Variants in PDE4D observed in about 807,000 individuals in gnomAD.
PDE4D encodes the protein 3',5'-cyclic-AMP phosphodiesterase 4D.
PDE4D carries 24 observed loss-of-function variants against 87.4 expected under a neutral mutation model. The ratio of observed to expected loss-of-function variants is 0.27; its 90% CI spans 0.20 to 0.39. PDE4D has a LOEUF of 0.39. PDE4D is among the 10% of genes least tolerant of loss of function. PDE4D has a pLI of 1.00. For synonymous variants in PDE4D, 384 were observed against 383.2 expected, an observed-to-expected ratio of 1.00 and a Z score of -0.02; for missense variants, 714 against 1,041.0, an observed-to-expected ratio of 0.69 and a Z score of 4.32.
intron 1 of PDE4D, among the ~76,000 whole-genome samples, chr5:60,255,005 A>G: frequency 6.6e-6 from 1 of 151,876 alleles, no homozygotes; most frequent in South Asian, 2.1e-4. Context: ...TGGCTTAAAT[A>G]CTTCATAAAG....
At chr5:60,099,814 A>C (rs996889658) in intron 2 of PDE4D, among the ~76,000 whole-genome samples, 6 of 152,020 alleles carry the variant, frequency 3.9e-5, no homozygotes, top group Non-Finnish European at 7.4e-5. Flanking sequence ...ATAAAGGGAA[A>C]TCTGGAAATT....
intron 1 of PDE4D, among the ~76,000 whole-genome samples, chr5:59,300,769 C>T (rs1223452508): frequency 2.0e-5 from 3 of 152,034 alleles, no homozygotes; most frequent in Non-Finnish European, 2.9e-5. Context: ...CAGATCCCAC[C>T]GGTTGAAGGT....
intron 1 of PDE4D, among the ~76,000 whole-genome samples, chr5:59,696,307 T>C (rs544289651): frequency 3.3e-5 from 5 of 152,350 alleles, no homozygotes; most frequent in African/African-American, 1.2e-4. Flanking sequence ...ACTTCATTCA[T>C]AATTTCATTT....
At chr5:59,868,602 C>A (rs1025039802) in intron 1 of PDE4D, among the ~76,000 whole-genome samples, 1 of 152,122 alleles carries the variant, frequency 6.6e-6, no homozygotes, top group African/African-American at 2.4e-5. Flanking sequence ...AGATCACTTT[C>A]TTTAGCTGAA....
At chr5:59,382,937 C>T (rs1786185528) in intron 1 of PDE4D, among the ~76,000 whole-genome samples, 1 of 152,096 alleles carries the variant, frequency 6.6e-6, no homozygotes, top group Admixed American at 6.5e-5. Context: ...AAAAATATTG[C>T]CTTCACACCA....
At chr5:59,976,221 T>C (rs1370651659) in intron 3 of PDE4D, among the ~76,000 whole-genome samples, 1 of 152,200 alleles carries the variant, frequency 6.6e-6, no homozygotes, top group African/African-American at 2.4e-5. Flanking sequence ...TTGTTTTTAA[T>C]TCTGTTTTGT....
chr5:60,310,837 G>T (rs1421826455), intron 1 of PDE4D, among the ~76,000 whole-genome samples: 1 of 152,060 alleles, frequency 6.6e-6, no homozygotes, highest in East Asian at 1.9e-4. Flanking sequence ...TATGCCTTTT[G>T]TACAAGTATG....
Position 59,967,488 on chromosome 5 carries a change from A to G in PDE4D, c.272+21000T>C, listed in dbSNP as rs531532761. 2.6e-5 allele frequency among the ~76,000 whole-genome samples: 4 copies of G among 152,316 alleles called. No homozygotes were observed. In the South Asian group the frequency reaches 8.3e-4, roughly 32 times the overall value. ...AACAGAAGACATACAAGTGGCCAAG[A>G]AATATATGAAAAATGCTTACGTCAC... On this transcript the variant is annotated intron_variant, in intron 3 of 16. Transcript: ENST00000502484.
At chr5:59,685,283 C>T (rs370272726) in intron 1 of PDE4D, among the ~76,000 whole-genome samples, 2 of 152,142 alleles carry the variant, frequency 1.3e-5, no homozygotes, top group Non-Finnish European at 2.9e-5. Flanking sequence ...TCACAGCTCA[C>T]GTAGGTCTTT....
chr5:59,874,484 A>G (rs562931780), intron 1 of PDE4D, among the ~76,000 whole-genome samples: 2 of 152,216 alleles, frequency 1.3e-5, no homozygotes, highest in Non-Finnish European at 2.9e-5. Flanking sequence ...GACTGTAGAT[A>G]ATAGAGTTAT....
chr5:60,069,044 C>A (rs566847694), intron 2 of PDE4D, among the ~76,000 whole-genome samples: 2 of 152,262 alleles, frequency 1.3e-5, no homozygotes, highest in African/African-American at 4.8e-5. Flanking sequence ...AGACAAGCAT[C>A]CAGTTTCATT....
intron 1 of PDE4D, among the ~76,000 whole-genome samples, chr5:59,415,892 T>C (rs1042980978): frequency 5.3e-5 from 8 of 152,164 alleles, no homozygotes; most frequent in African/African-American, 1.9e-4. Flanking sequence ...AAGTGTCTCA[T>C]AATATTTCTA....
chr5:60,357,462 A>G (rs1399163094), intron 1 of PDE4D, among the ~76,000 whole-genome samples: 1 of 152,132 alleles, frequency 6.6e-6, no homozygotes, highest in Non-Finnish European at 1.5e-5. Context: ...CAATTCATTT[A>G]TCTGTATATT....
intron 2 of PDE4D, chr5:60,185,412 A>G: frequency 2.0e-6 from 1 of 490,728 alleles, no homozygotes; most frequent in South Asian, 3.1e-5. Context: ...TTTGTTAATA[A>G]GCTGTGTACA....
At chr5:60,262,497 G>A (rs1465733774) in intron 1 of PDE4D, 1 of 152,066 alleles carries the variant, frequency 6.6e-6, no homozygotes, top group East Asian at 1.9e-4. Context: ...CTTATTCAGT[G>A]GTAACTATTA....
intron 1 of PDE4D, among the ~76,000 whole-genome samples, chr5:59,495,074 C>T (rs529390615): frequency 6.6e-6 from 1 of 152,272 alleles, no homozygotes; most frequent in Admixed American, 6.5e-5. Flanking sequence ...CAGTTTCCTC[C>T]CTAGGAATCT....
At chr5:60,328,217 G>T (rs1477193493) in intron 1 of PDE4D, among the ~76,000 whole-genome samples, 1 of 152,170 alleles carries the variant, frequency 6.6e-6, no homozygotes, top group Non-Finnish European at 1.5e-5. Context: ...ATGGGGTGTG[G>T]TTGGCAGCAC....
chr5:59,200,978 A>G (rs1171007203), intron 2 of PDE4D, among the ~76,000 whole-genome samples: 1 of 152,068 alleles, frequency 6.6e-6, no homozygotes, highest in East Asian at 1.9e-4. Context: ...GAACCATAAA[A>G]ATTATACATG....
chr5:60,375,925 G>A (rs1256998813), intron 1 of PDE4D, among the ~76,000 whole-genome samples: 1 of 152,162 alleles, frequency 6.6e-6, no homozygotes, highest in Non-Finnish European at 1.5e-5. Context: ...TGTAGTCCCA[G>A]CTACTTGGGA....
Sources: allele counts gnomAD v4.1 joint callset (sites outside exome capture counted in the v4.1 genomes callset), GRCh38; gene constraint gnomAD v4.1.1; transcripts MANE v1.5; gene names NCBI Gene and HGNC (gene_info 2026-07-23, HGNC 2026-07-21).